Variants in CHID1 observed in about 807,000 individuals in gnomAD.
CHID1 encodes chitinase domain containing 1.
Under a neutral mutation model 55.4 loss-of-function variants are expected in CHID1, and 44 were observed. The ratio of observed to expected loss-of-function variants is 0.79; its 90% CI spans 0.62 to 1.02. The LOEUF is 1.02. Among genes scored for constraint, CHID1 ranks in the 50% least tolerant of loss-of-function variants. The pLI is 0.00. For missense variants in CHID1, 491 were observed against 515.3 expected (o/e 0.95, Z 0.46); for synonymous variants, 216 against 212.9 (o/e 1.01, Z -0.13).
chr11:904,795 G>A lies in CHID1; in HGVS notation c.22C>T (p.Leu8Phe), dbSNP rs377581510. MRTLFNL[L>F]WLALACSPVH... ...GGGCTGCAGGCCAGGGCAAGCCAGAGGAGGTTGAAGAGTGTCCGCATGGTA... is the reference window on the plus strand; with the variant it reads ...GGGCTGCAGGCCAGGGCAAGCCAGAAGAGGTTGAAGAGTGTCCGCATGGTA... Residue 8 changes from leucine to phenylalanine, a missense_variant, in exon 2 of 13, where the codon CTC (leucine) becomes TTC (phenylalanine). By Grantham distance (22) the Leu-to-Phe change is conservative (BLOSUM62 0). Transcript: ENST00000323578. 6 of 1,613,884 alleles carry A rather than the reference G, an allele frequency of 3.7e-6. No individual in the cohort carries two copies. The African/African-American group carries it at 6.7e-5, about 18-fold the overall frequency.
chr11:914,780 C>G, upstream of CHID1: 1 of 346,966 alleles, frequency 2.9e-6, no homozygotes, highest in South Asian at 2.2e-5. Context: ...GCTGTGGGGC[C>G]TTTGGGGCTG....
intron 10 of CHID1, among the ~76,000 whole-genome samples, chr11:870,950 T>C (rs970548300): frequency 2.0e-5 from 3 of 151,654 alleles, no homozygotes; most frequent in Non-Finnish European, 4.4e-5. Context: ...GGCAGTGCCT[T>C]GTACTGGGGA....
At chr11:889,857 C>T (rs528683900) in intron 8 of CHID1, among the ~76,000 whole-genome samples, 1 of 152,340 alleles carries the variant, frequency 6.6e-6, no homozygotes, top group South Asian at 2.1e-4. Flanking sequence ...CAGCAGCCAG[C>T]GGCCACAGCT....
chr11:912,991 A>G (rs1399457018), upstream of CHID1, among the ~76,000 whole-genome samples: 3 of 152,232 alleles, frequency 2.0e-5, no homozygotes, highest in Non-Finnish European at 4.4e-5. Context: ...ACTTGAACAC[A>G]TTTCGTATTT....
intron 6 of CHID1, 74 bp downstream of exon 6, chr11:899,930 G>A (rs1468331204): frequency 1.4e-5 from 15 of 1,083,012 alleles, no homozygotes; most frequent in South Asian, 5.2e-5. Context: ...GAGGCCTCGC[G>A]GGAGGCCCAG....
Position 900,088 on chromosome 11 carries a change from G to A in CHID1, c.462C>T (p.Asp154=). The A allele has an allele frequency of 6.2e-7, 1 of 1,613,986 alleles. No homozygotes were observed. The highest frequency in any genetic ancestry group is 1.3e-5 in the African/African-American group (1 of 75,054). Reference sequence around the variant, plus strand: ...CGTTCCGGAAATCATCGTAAGTCCAGTCCTCAAACAGGAGCCGAGGCACTG... The same window carrying A: ...CGTTCCGGAAATCATCGTAAGTCCAATCCTCAAACAGGAGCCGAGGCACTG... ...LHIVPRLLFE[D]WTYDDFRNVL... Residue 154 remains aspartate, a synonymous_variant, in exon 6 of 13, where the codon GAC becomes GAT. Coordinates refer to ENST00000323578, the MANE Select transcript of CHID1 (RefSeq NM_023947.4).
At chr11:882,503 G>C (rs1427401793) in intron 10 of CHID1, 1 of 152,252 alleles carries the variant, frequency 6.6e-6, no homozygotes, top group African/African-American at 2.4e-5. Context: ...AGACTCAAGA[G>C]GCTCCATGAA....
chr11:912,661 G>A (rs60516678), upstream of CHID1, among the ~76,000 whole-genome samples: 2,793 of 152,086 alleles, frequency 0.018, 33 homozygotes, highest in Middle Eastern at 0.075. Flanking sequence ...TGATTAACAC[G>A]GTGAAACCCC....
intron 4 of CHID1, 104 bp from the exon 5 acceptor site, chr11:901,084 A>T: frequency 9.2e-7 from 1 of 1,081,500 alleles, no homozygotes; most frequent in Non-Finnish European, 1.3e-6. Flanking sequence ...ACGCAATGGG[A>T]AGGGCAGGGG....
Position 899,360 on chromosome 11 carries a change from C to A in CHID1, c.588G>T (p.Gln196His). 6.2e-7 allele frequency: 1 copy of A among 1,604,638 alleles called. No homozygotes were observed. Among genetic ancestry groups the A allele is most frequent in the African/African-American group, 1.3e-5 (1 of 74,966 alleles). The change falls in exon 7 of 13, where the codon CAG becomes CAT. Residue 196 changes from glutamine to histidine, a missense_variant. By Grantham distance (24) the Gln-to-His change is conservative. Transcript: ENST00000323578. ...FDGFVVEVWN[Q>H]LLSQKRVGLI... The stretch of plus-strand genomic sequence containing the variant: ...CTCACACGCGCTTCTGGCTTAGCAG[C>A]TGGTTCCAGACCTCCACCACGAAGC...
chr11:902,052 C>A, intron 4 of CHID1, 146 bp downstream of exon 4: 1 of 834,520 alleles, frequency 1.2e-6, no homozygotes, highest in Non-Finnish European at 1.9e-6. Context: ...CTCACATTCA[C>A]ACTTAAATCA....
chr11:900,014 T>C lies in CHID1; in HGVS notation c.536A>G (p.Gln179Arg). 1 of 1,613,630 alleles carries C rather than the reference T, an allele frequency of 6.2e-7. No homozygotes were observed. The highest frequency in any genetic ancestry group is 8.5e-7 in the Non-Finnish European group (1 of 1,179,596). Residue 179 changes from glutamine (Q) to arginine (R), a missense_variant, in exon 6 of 13, where the codon CAG (glutamine) becomes CGG (arginine). Coordinates refer to ENST00000323578, the MANE Select transcript of CHID1 (RefSeq NM_023947.4). The part of the protein sequence containing the change: ...EIEELSKTVV[Q>R]VAKNQHFDGF... ...GCACACAGGTCTCACCTTTGCCACC[T>C]GGACCACGGTCTTGCTCAGCTCCTC...
chr11:905,454 G>C (rs1735621079), intron 1 of CHID1, among the ~76,000 whole-genome samples: 1 of 152,174 alleles, frequency 6.6e-6, no homozygotes, highest in South Asian at 2.1e-4. Flanking sequence ...CGGATCACCT[G>C]AGGTCAGGAA....
chr11:914,111 G>T (rs540023044), upstream of CHID1, among the ~76,000 whole-genome samples: 42 of 151,604 alleles, frequency 2.8e-4, no homozygotes, highest in African/African-American at 9.7e-4. Flanking sequence ...AGGCTTAAAA[G>T]GGAATAATAG....
intron 3 of CHID1, 99 bp downstream of exon 3, chr11:902,863 G>C: frequency 8.8e-7 from 1 of 1,131,320 alleles, no homozygotes; most frequent in Non-Finnish European, 1.3e-6. Flanking sequence ...TCAGAACATA[G>C]ACCCCCATCA....
rs1170129725 is a variant in CHID1 at position 869,343 on chromosome 11, T to G, written c.*515A>C. ...GACTCGGTGGGGACGTCTGGGTGGC[T>G]CTCTGCAGGTGACACACGTGCTGTG... is the stretch of plus-strand genomic sequence containing the variant. On this transcript the variant is annotated 3_prime_UTR_variant, in exon 13 of 13. Coordinates refer to ENST00000323578, the MANE Select transcript of CHID1 (RefSeq NM_023947.4). 3 of 159,102 alleles carry G rather than the reference T, an allele frequency of 1.9e-5. No homozygotes were observed. The highest frequency in any genetic ancestry group is 7.2e-5 in the African/African-American group (3 of 41,414). The allele number at this position is 159,102 out of a possible 1,614,324, so 9.9% of individuals were successfully genotyped here. A position where few individuals can be genotyped will look rare whatever the true frequency, so the allele number is the denominator to read the frequency against.
intron 6 of CHID1, 124 bp downstream of exon 6, chr11:899,880 A>G (rs1589885859): frequency 1.5e-6 from 1 of 668,538 alleles, no homozygotes; most frequent in East Asian, 2.6e-5. Context: ...TGGGGGCTGC[A>G]CCAGAAGGTG....
At chr11:914,514 A>C, upstream of CHID1, 1 of 1,288,920 alleles carries the variant, frequency 7.8e-7, no homozygotes, top group Non-Finnish European at 1.0e-6. Context: ...AGGAGACCCC[A>C]TGCCTTACCT....
rs1340804922 is a variant in CHID1 at position 884,186 on chromosome 11, C to G, written c.702-17G>C. On this transcript the variant is annotated splice_polypyrimidine_tract_variant and intron_variant, in intron 8 of 12. Transcript: ENST00000323578. ...TGGTCGGTCCTGTAACAGACAGGTGCAGCCACCTCAGGCTGCTATGCCCTG... is the reference window on the plus strand; with the variant it reads ...TGGTCGGTCCTGTAACAGACAGGTGGAGCCACCTCAGGCTGCTATGCCCTG... The G allele has an allele frequency of 6.2e-7, 1 of 1,605,174 alleles. No individual in the cohort carries two copies. The highest frequency in any genetic ancestry group is 1.7e-5 in the Admixed American group (1 of 59,914).
Sources: allele counts gnomAD v4.1 joint callset (sites outside exome capture counted in the v4.1 genomes callset), GRCh38; gene constraint gnomAD v4.1.1; transcripts MANE v1.5; gene names NCBI Gene and HGNC (gene_info 2026-07-23, HGNC 2026-07-21).